Variants in SMCHD1 observed in about 807,000 individuals in gnomAD.
SMCHD1 encodes structural maintenance of chromosomes flexible hinge domain-containing protein 1.
In SMCHD1, 78 loss-of-function variants were observed where a neutral mutation model predicts 254.7. The ratio of observed to expected loss-of-function variants is 0.31; its 90% CI spans 0.26 to 0.37. SMCHD1 has a LOEUF of 0.37. SMCHD1 is among the 10% of genes least tolerant of loss of function. The probability of loss-of-function intolerance (pLI) is 1.00; values close to 1 mark genes in which losing one functional copy is unlikely to be tolerated. For missense variants in SMCHD1, 1,840 were observed against 2,408.1 expected, an observed-to-expected ratio of 0.76 and a Z score of 4.94; for synonymous variants, 766 against 794.9, an observed-to-expected ratio of 0.96 and a Z score of 0.61.
intron 34 of SMCHD1, among the ~76,000 whole-genome samples, chr18:2,757,085 G>T (rs1413208641): frequency 6.6e-6 from 1 of 151,886 alleles, no homozygotes; most frequent in East Asian, 1.9e-4. Flanking sequence ...ATTTATTTTG[G>T]TCACACACAC....
chr18:2,686,224 CA>C (rs1276411257), intron 5 of SMCHD1, among the ~76,000 whole-genome samples: 1 of 152,146 alleles, frequency 6.6e-6, no homozygotes, highest in East Asian at 1.9e-4. Flanking sequence ...TTCAAAAATA[CA>C]AAATCTGAAA....
chr18:2,784,565 G>C lies in SMCHD1; in HGVS notation c.5663G>C (p.Gly1888Ala). 1 of 1,611,136 alleles carries C rather than the reference G, an allele frequency of 6.2e-7. No individual in the cohort carries two copies. The highest frequency in any genetic ancestry group is 8.5e-7 in the Non-Finnish European group (1 of 1,179,040). Residue 1888 changes from glycine to alanine, a missense_variant, in exon 45 of 48, where the codon GGA becomes GCA. Physicochemically the swap from Gly to Ala is moderately conservative, Grantham distance 60 (BLOSUM62 0). Coordinates refer to ENST00000320876, the MANE Select transcript of SMCHD1 (RefSeq NM_015295.3). ...NKAPPMDKLR[G>A]MVFGAPVPKQ... is the part of the protein sequence containing the mutation. The stretch of plus-strand genomic sequence containing the variant: ...GCTCCTCCAATGGATAAACTTCGGG[G>C]AATGGTATTTGGAGCTCCAGTTCCA...
chr18:2,667,982 T>C (rs967087542), intron 3 of SMCHD1, among the ~76,000 whole-genome samples: 10 of 152,092 alleles, frequency 6.6e-5, no homozygotes, highest in Non-Finnish European at 1.2e-4. Flanking sequence ...TAAGTTCAAG[T>C]GATTCTCCTG....
chr18:2,759,571 C>CT (rs61159403), intron 34 of SMCHD1, among the ~76,000 whole-genome samples: 22 of 69,518 alleles, frequency 3.2e-4, no homozygotes, highest in African/African-American at 9.6e-4. Context: ...TTAATTCTCT[C>CT]TTTTTTTTTT....
In SMCHD1 at chr18:2,662,667, CAAAA is replaced by C. The variant is rs745838636; in HGVS notation, c.187-3470_187-3467del. ...CTCAACAACAATAACAACAAAAAAC[CAAAA>C]AAAAAAAAAAAAAAAAAAAGGGACA... is the stretch of plus-strand genomic sequence containing the variant. On this transcript the variant is annotated intron_variant, in intron 1 of 47. Coordinates refer to ENST00000320876, the MANE Select transcript of SMCHD1 (RefSeq NM_015295.3). 8.7e-4 allele frequency among the ~76,000 whole-genome samples: 31 copies of C among 35,678 alleles called. 1 individual carries two copies. Among genetic ancestry groups the C allele is most frequent in the African/African-American group, 3.3e-3 (27 of 8,130 alleles). 23.4% of individuals were successfully genotyped at this position (35,678 alleles called of 152,430 possible).
At chr18:2,773,148 C>T (rs1348325771) in intron 41 of SMCHD1, among the ~76,000 whole-genome samples, 1 of 152,030 alleles carries the variant, frequency 6.6e-6, no homozygotes. Context: ...TGTGTATGAC[C>T]AAAACCGTGT....
chr18:2,705,624 T>C, intron 13 of SMCHD1, 70 bp from the exon 14 acceptor site: 1 of 632,368 alleles, frequency 1.6e-6, no homozygotes, highest in Non-Finnish European at 2.5e-6. Context: ...TGTAAAATTA[T>C]TATTAAGCCT....
intron 3 of SMCHD1, among the ~76,000 whole-genome samples, chr18:2,669,343 C>G (rs1257336558): frequency 6.6e-6 from 1 of 152,190 alleles, no homozygotes; most frequent in East Asian, 1.9e-4. Flanking sequence ...GTGAGCCTCT[C>G]TCTCTAAAAA....
chr18:2,767,607 T>TG (rs2075892206), intron 37 of SMCHD1, among the ~76,000 whole-genome samples: 2 of 123,898 alleles, frequency 1.6e-5, no homozygotes, highest in Admixed American at 1.6e-4. Flanking sequence ...TTTTTTTTTT[T>TG]GAGACAGAGT....
intron 17 of SMCHD1, among the ~76,000 whole-genome samples, 172 bp from the exon 18 acceptor site, chr18:2,717,986 T>C (rs1382847280): frequency 6.6e-6 from 1 of 152,048 alleles, no homozygotes; most frequent in Non-Finnish European, 1.5e-5. Flanking sequence ...AATTGAAGAG[T>C]TAACTATTAT....
intron 34 of SMCHD1, among the ~76,000 whole-genome samples, chr18:2,759,303 T>A (rs938503068): frequency 5.3e-5 from 8 of 152,156 alleles, no homozygotes; most frequent in African/African-American, 1.9e-4. Flanking sequence ...GAGATTGACA[T>A]GATTCAAAGG....
At chr18:2,696,086 A>G (rs188917317) in intron 8 of SMCHD1, among the ~76,000 whole-genome samples, 1 of 152,354 alleles carries the variant, frequency 6.6e-6, no homozygotes, top group Non-Finnish European at 1.5e-5. Flanking sequence ...AATCCTGAAC[A>G]ATGTTACCAA....
At chr18:2,699,295 C>T (rs2074348923) in intron 10 of SMCHD1, among the ~76,000 whole-genome samples, 1 of 152,148 alleles carries the variant, frequency 6.6e-6, no homozygotes, top group Non-Finnish European at 1.5e-5. Context: ...AGTGCTCCTG[C>T]CCAGTACATA....
chr18:2,795,091 G>A (rs1042112012), intron 45 of SMCHD1, among the ~76,000 whole-genome samples: 3 of 150,864 alleles, frequency 2.0e-5, no homozygotes, highest in Admixed American at 1.3e-4. Context: ...ACGGAGTCTC[G>A]CTCTGTCACC....
chr18:2,707,728 T>C (rs534587107), intron 16 of SMCHD1, 79 bp from the exon 17 acceptor site: 4 of 1,473,036 alleles, frequency 2.7e-6, no homozygotes, highest in African/African-American at 1.4e-5. Context: ...TCACGAGATA[T>C]TAAAATGCAA....
At chr18:2,716,929 G>T (rs2074813298) in intron 17 of SMCHD1, among the ~76,000 whole-genome samples, 1 of 152,198 alleles carries the variant, frequency 6.6e-6, no homozygotes, top group Non-Finnish European at 1.5e-5. Context: ...TCCCAGTCTG[G>T]CTCTGCAAAG....
chr18:2,778,387 A>G (rs2076101176), intron 44 of SMCHD1, 148 bp downstream of exon 44: 6 of 562,334 alleles, frequency 1.1e-5, no homozygotes, highest in Non-Finnish European at 1.9e-5. Flanking sequence ...GGCAAAACGT[A>G]GGAATGAATG....
chr18:2,757,677 T>C (rs1045995735), intron 34 of SMCHD1, among the ~76,000 whole-genome samples: 1 of 152,102 alleles, frequency 6.6e-6, no homozygotes, highest in African/African-American at 2.4e-5. Flanking sequence ...TTTTTGTATA[T>C]GTTCCAAATA....
rs756941724 is a variant in SMCHD1 at position 2,732,421 on chromosome 18, C to T, written c.3205C>T (p.Leu1069Phe). 1.2e-6 allele frequency: 2 copies of T among 1,612,794 alleles called. No homozygotes were observed. Among genetic ancestry groups the T allele is most frequent in the Non-Finnish European group, 1.7e-6 (2 of 1,179,506 alleles). ...GATAGCGGGTGATATTATGCATAATCTTATTTTTCAAATGTATGATGAAGG... is the reference window on the plus strand; with the variant it reads ...GATAGCGGGTGATATTATGCATAATTTTATTTTTCAAATGTATGATGAAGG... ...NWIAGDIMHN[L>F]IFQMYDEGER... Residue 1069 changes from leucine to phenylalanine, a missense_variant, in exon 25 of 48, where the codon CTT (leucine) becomes TTT (phenylalanine). Physicochemically the swap from Leu to Phe is conservative, Grantham distance 22. Coordinates refer to ENST00000320876, the MANE Select transcript of SMCHD1 (RefSeq NM_015295.3).
Sources: gnomAD v4.1 joint callset for allele counts (sites outside exome capture counted in the v4.1 genomes callset) on GRCh38, gnomAD v4.1.1 for gene constraint, MANE v1.5 for transcripts, NCBI Gene and HGNC (gene_info 2026-07-23, HGNC 2026-07-21) for gene names.